The following GALNT17 variants were observed in gnomAD, a reference collection of about 807,000 sequenced individuals.
GALNT17 encodes the protein UDP-GalNAc:polypeptide N-acetylgalactosaminyltransferase-like 3.
A neutral mutation model predicts 63.7 loss-of-function variants in GALNT17; 29 were observed. The ratio of observed to expected loss-of-function variants is 0.46; its 90% CI spans 0.34 to 0.62. The LOEUF (loss-of-function observed/expected upper bound fraction) is 0.62. Among genes scored for constraint, GALNT17 ranks in the 20% least tolerant of loss-of-function variants. The probability of loss-of-function intolerance (pLI) is 0.01; values close to 1 mark genes in which losing one functional copy is unlikely to be tolerated. For synonymous variants in GALNT17, 305 were observed against 318.3 expected (o/e 0.96, Z 0.45); for missense variants, 603 against 799.6 (o/e 0.75, Z 2.97).
At chr7:71,370,944 C>G (rs148577897) in intron 2 of GALNT17, among the ~76,000 whole-genome samples, 9 of 152,292 alleles carry the variant, frequency 5.9e-5, no homozygotes, top group African/African-American at 2.2e-4. Context: ...CGTGGGATTG[C>G]TCCTGGGTAG....
chr7:71,411,780 C>G (rs1046899268), intron 3 of GALNT17, among the ~76,000 whole-genome samples: 1 of 152,182 alleles, frequency 6.6e-6, no homozygotes. Context: ...ATCAACGGAC[C>G]ATTCTCAGCT....
chr7:71,326,846 A>C (rs1177440947), intron 1 of GALNT17, among the ~76,000 whole-genome samples: 1 of 152,170 alleles, frequency 6.6e-6, no homozygotes, highest in Non-Finnish European at 1.5e-5. Flanking sequence ...AGTGCCTTTC[A>C]TTGCCACACC....
At chr7:71,303,376 A>T (rs1321658127) in intron 1 of GALNT17, among the ~76,000 whole-genome samples, 3 of 151,948 alleles carry the variant, frequency 2.0e-5, no homozygotes. Context: ...GCTGGTATTT[A>T]TATCTTATAT....
intron 6 of GALNT17, among the ~76,000 whole-genome samples, chr7:71,658,423 G>T (rs958262280): frequency 2.0e-5 from 3 of 152,174 alleles, no homozygotes; most frequent in Non-Finnish European, 4.4e-5. Context: ...CCAGAGTCTT[G>T]TGATGGTTTC....
chr7:71,328,208 T>C (rs544285149), intron 1 of GALNT17, among the ~76,000 whole-genome samples: 1 of 152,320 alleles, frequency 6.6e-6, no homozygotes, highest in South Asian at 2.1e-4. Context: ...TCGTCAGCTG[T>C]TAGGTGCAAA....
intron 5 of GALNT17, among the ~76,000 whole-genome samples, chr7:71,499,433 G>A (rs1323053526): frequency 1.3e-5 from 2 of 152,170 alleles, no homozygotes; most frequent in African/African-American, 2.4e-5. Flanking sequence ...TCTAATCTCA[G>A]ATGATGTTGA....
At chr7:71,525,275 A>G (rs1788604674) in intron 5 of GALNT17, among the ~76,000 whole-genome samples, 1 of 152,154 alleles carries the variant, frequency 6.6e-6, no homozygotes, top group African/African-American at 2.4e-5. Context: ...TCCCGGGTTC[A>G]AGTGATTCTC....
intron 1 of GALNT17, among the ~76,000 whole-genome samples, chr7:71,294,924 A>T (rs1791050962): frequency 6.6e-6 from 1 of 152,216 alleles, no homozygotes; most frequent in Admixed American, 6.5e-5. Flanking sequence ...CTCTCTCCTG[A>T]TGCTGCGATA....
At chr7:71,512,883 G>A (rs1321929160) in intron 5 of GALNT17, among the ~76,000 whole-genome samples, 1 of 152,252 alleles carries the variant, frequency 6.6e-6, no homozygotes, top group African/African-American at 2.4e-5. Flanking sequence ...TTTCATGATT[G>A]TCAAATGGGC....
chr7:71,640,670 C>A (rs1023304311), intron 6 of GALNT17, among the ~76,000 whole-genome samples: 1 of 151,992 alleles, frequency 6.6e-6, no homozygotes, highest in Admixed American at 6.6e-5. Flanking sequence ...TTTAAAAAAA[C>A]CAATAACTAT....
intron 3 of GALNT17, among the ~76,000 whole-genome samples, chr7:71,403,483 C>G (rs1388391311): frequency 2.0e-5 from 3 of 152,198 alleles, no homozygotes; most frequent in African/African-American, 7.2e-5. Context: ...TCGATAGTCT[C>G]CGCTAGCTAG....
At chr7:71,646,140 A>G (rs990424210) in intron 6 of GALNT17, among the ~76,000 whole-genome samples, 5 of 152,238 alleles carry the variant, frequency 3.3e-5, no homozygotes, top group African/African-American at 7.2e-5. Context: ...AACAGAGAAC[A>G]GCATTTCTGC....
intron 6 of GALNT17, among the ~76,000 whole-genome samples, chr7:71,621,000 C>A (rs1319630916): frequency 6.6e-6 from 1 of 152,044 alleles, no homozygotes; most frequent in Non-Finnish European, 1.5e-5. Flanking sequence ...AGTAGATAGC[C>A]CAAGAGACAG....
chr7:71,344,829 C>G (rs1792062048), intron 2 of GALNT17, among the ~76,000 whole-genome samples: 1 of 152,006 alleles, frequency 6.6e-6, no homozygotes, highest in Non-Finnish European at 1.5e-5. Flanking sequence ...TCAGGAAAAT[C>G]CTAGAGAGAA....
intron 10 of GALNT17, among the ~76,000 whole-genome samples, chr7:71,711,759 G>A (rs915429301): frequency 1.2e-4 from 17 of 139,616 alleles, no homozygotes; most frequent in African/African-American, 3.2e-4. Context: ...TCTTCTCTTT[G>A]TCTCTTTGTC....
intron 3 of GALNT17, among the ~76,000 whole-genome samples, chr7:71,395,165 A>G (rs1177838490): frequency 2.0e-5 from 3 of 152,200 alleles, no homozygotes; most frequent in East Asian, 1.9e-4. Flanking sequence ...ATTTGCACCT[A>G]TCACCACTAC....
At chr7:71,376,582 T>C (rs549441672) in intron 2 of GALNT17, among the ~76,000 whole-genome samples, 6 of 145,762 alleles carry the variant, frequency 4.1e-5, no homozygotes, top group Non-Finnish European at 8.8e-5. Flanking sequence ...TGTGTGTCTG[T>C]CTGTGTGTCT....
intron 5 of GALNT17, among the ~76,000 whole-genome samples, chr7:71,435,746 G>A (rs750670922): frequency 6.6e-6 from 1 of 152,094 alleles, no homozygotes; most frequent in African/African-American, 2.4e-5. Flanking sequence ...CCAGCCAGGC[G>A]CAATGGCTCA....
intron 5 of GALNT17, among the ~76,000 whole-genome samples, chr7:71,498,809 T>C (rs1392527610): frequency 6.6e-6 from 1 of 152,206 alleles, no homozygotes; most frequent in African/African-American, 2.4e-5. Context: ...AGAAGCCAGA[T>C]AACTCCATCA....
Sources: allele counts gnomAD v4.1 joint callset (sites outside exome capture counted in the v4.1 genomes callset), GRCh38; gene constraint gnomAD v4.1.1; transcripts MANE v1.5; gene names NCBI Gene and HGNC (gene_info 2026-07-23, HGNC 2026-07-21).